ARHGAP15: variants seen among roughly 807,000 people sequenced by gnomAD.
The protein encoded by ARHGAP15 is Rho GTPase activating protein 15, also known as rho GTPase-activating protein 15.
ARHGAP15 carries 51 observed loss-of-function variants against 63.7 expected under a neutral mutation model. The observed-to-expected ratio is 0.80, with a 90% CI of 0.64 to 1.01. The LOEUF (loss-of-function observed/expected upper bound fraction) is 1.01. ARHGAP15 is among the 50% of genes least tolerant of loss of function. The pLI is 0.00. For missense variants in ARHGAP15, 560 were observed against 564.6 expected (o/e 0.99, Z 0.08); for synonymous variants, 191 against 193.8 (o/e 0.99, Z 0.12).
At chr2:143,491,456 A>T (rs912635547) in intron 9 of ARHGAP15, among the ~76,000 whole-genome samples, 3 of 152,218 alleles carry the variant, frequency 2.0e-5, no homozygotes, top group Non-Finnish European at 4.4e-5. Flanking sequence ...AGAAATGTTT[A>T]GTGTTTAGAA....
At chr2:143,450,251 G>A (rs1051600319) in intron 8 of ARHGAP15, among the ~76,000 whole-genome samples, 1 of 147,842 alleles carries the variant, frequency 6.8e-6, no homozygotes, top group Non-Finnish European at 1.5e-5. Flanking sequence ...CATTTTTATT[G>A]AACGAAATCC....
At chr2:143,681,334 A>C (rs1683091840) in intron 12 of ARHGAP15, among the ~76,000 whole-genome samples, 1 of 152,130 alleles carries the variant, frequency 6.6e-6, no homozygotes, top group South Asian at 2.1e-4. Context: ...TTAATTTAGT[A>C]GCGTATGTGA....
intron 1 of ARHGAP15, among the ~76,000 whole-genome samples, chr2:143,134,827 C>T (rs190813494): frequency 1.6e-3 from 249 of 151,846 alleles, no homozygotes; most frequent in African/African-American, 5.1e-3. Flanking sequence ...TTAGTAGAGT[C>T]GGGGTTTCAC....
chr2:143,675,792 T>C (rs1682795736), intron 12 of ARHGAP15, among the ~76,000 whole-genome samples: 1 of 152,232 alleles, frequency 6.6e-6, no homozygotes, highest in African/African-American at 2.4e-5. Context: ...CTAGGATTTT[T>C]GGAATGGTAA....
At chr2:143,708,942 G>A (rs761373700) in intron 13 of ARHGAP15, among the ~76,000 whole-genome samples, 7 of 151,990 alleles carry the variant, frequency 4.6e-5, no homozygotes, top group Non-Finnish European at 1.0e-4. Flanking sequence ...AACACTCCTA[G>A]AATCTTATCA....
intron 6 of ARHGAP15, among the ~76,000 whole-genome samples, chr2:143,283,366 T>C (rs1681948699): frequency 6.6e-6 from 1 of 152,180 alleles, no homozygotes; most frequent in Non-Finnish European, 1.5e-5. Flanking sequence ...GTGATATCTT[T>C]AAAGTAGAGA....
At chr2:143,559,501 T>C (rs1235094440) in intron 11 of ARHGAP15, among the ~76,000 whole-genome samples, 1 of 152,234 alleles carries the variant, frequency 6.6e-6, no homozygotes, top group African/African-American at 2.4e-5. Flanking sequence ...ATTAGGACCT[T>C]TGATACTGGT....
chr2:143,339,734 A>G (rs77291475), intron 6 of ARHGAP15, among the ~76,000 whole-genome samples: 1 of 152,188 alleles, frequency 6.6e-6, no homozygotes, highest in African/African-American at 2.4e-5. Context: ...CTGACAATCT[A>G]TGACTAAGAT....
chr2:143,637,568 TA>T (rs1680383026), intron 12 of ARHGAP15, among the ~76,000 whole-genome samples: 1 of 152,126 alleles, frequency 6.6e-6, no homozygotes, highest in African/African-American at 2.4e-5. Context: ...GCCTTCCTCC[TA>T]GTATTGTGAT....
At chr2:143,454,094 G>C (rs988890095) in intron 8 of ARHGAP15, among the ~76,000 whole-genome samples, 2 of 152,032 alleles carry the variant, frequency 1.3e-5, no homozygotes, top group East Asian at 3.9e-4. Flanking sequence ...AAGTTGGGTG[G>C]AAAGAATGTT....
chr2:143,464,617 A>G (rs1281709245), intron 8 of ARHGAP15, among the ~76,000 whole-genome samples: 1 of 152,214 alleles, frequency 6.6e-6, no homozygotes, highest in Non-Finnish European at 1.5e-5. Context: ...ATTCTAGTCA[A>G]GACAAACTTC....
At chr2:143,201,910 G>T (rs1402658201) in intron 2 of ARHGAP15, among the ~76,000 whole-genome samples, 2 of 152,100 alleles carry the variant, frequency 1.3e-5, no homozygotes, top group Non-Finnish European at 2.9e-5. Context: ...GGGTGTCAAG[G>T]TTACATGGTA....
intron 6 of ARHGAP15, among the ~76,000 whole-genome samples, chr2:143,372,479 G>A (rs768017490): frequency 1.3e-4 from 20 of 151,378 alleles, no homozygotes; most frequent in African/African-American, 4.6e-4. Context: ...AAAATTGCTT[G>A]TAGACAAATT....
At chr2:143,571,339 G>A (rs1452083759) in intron 11 of ARHGAP15, among the ~76,000 whole-genome samples, 1 of 152,174 alleles carries the variant, frequency 6.6e-6, no homozygotes, top group Non-Finnish European at 1.5e-5. Context: ...GGTCCCTGGT[G>A]CCAAAATGGC....
chr2:143,545,388 C>A (rs978691270), intron 10 of ARHGAP15, among the ~76,000 whole-genome samples: 1 of 152,194 alleles, frequency 6.6e-6, no homozygotes, highest in Non-Finnish European at 1.5e-5. Context: ...CTGCCAAAAT[C>A]TTTCAATTAA....
chr2:143,660,730 T>A (rs1450330015), intron 12 of ARHGAP15, among the ~76,000 whole-genome samples: 1 of 152,180 alleles, frequency 6.6e-6, no homozygotes, highest in African/African-American at 2.4e-5. Context: ...ACCATACGTT[T>A]CCTTGAGATA....
intron 6 of ARHGAP15, among the ~76,000 whole-genome samples, chr2:143,431,716 T>A (rs1285296215): frequency 6.6e-6 from 1 of 151,968 alleles, no homozygotes; most frequent in Non-Finnish European, 1.5e-5. Flanking sequence ...AGATTGTGAG[T>A]TCTTGAGGGT....
At chr2:143,176,517 C>T (rs549059471) in intron 2 of ARHGAP15, among the ~76,000 whole-genome samples, 1 of 152,074 alleles carries the variant, frequency 6.6e-6, no homozygotes, top group South Asian at 2.1e-4. Flanking sequence ...GATGTATCTT[C>T]TTTCTTTTGT....
At chr2:143,619,066 G>A (rs2105232064) in intron 11 of ARHGAP15, among the ~76,000 whole-genome samples, 1 of 152,036 alleles carries the variant, frequency 6.6e-6, no homozygotes, top group East Asian at 1.9e-4. Flanking sequence ...GCCCACCTCA[G>A]CCTCCCAAAG....
Sources: gnomAD v4.1 joint callset for allele counts (sites outside exome capture counted in the v4.1 genomes callset) on GRCh38, gnomAD v4.1.1 for gene constraint, MANE v1.5 for transcripts, NCBI Gene and HGNC (gene_info 2026-07-23, HGNC 2026-07-21) for gene names.